VWA8: variants seen among roughly 807,000 people sequenced by gnomAD.
The protein encoded by VWA8 is von Willebrand factor A domain containing 8, also known as von Willebrand factor A domain-containing protein 8.
In VWA8, 221 loss-of-function variants were observed where a neutral mutation model predicts 241.5. That is an observed-to-expected ratio of 0.91 (90% CI 0.82 to 1.02). VWA8 has a LOEUF of 1.02. Among genes scored for constraint, VWA8 ranks in the 50% least tolerant of loss-of-function variants. VWA8 has a pLI of 0.00. For synonymous variants in VWA8, 852 were observed against 827.1 expected (o/e 1.03, Z -0.52); for missense variants, 2,322 against 2,328.7 (o/e 1.00, Z 0.06).
At chr13:41,652,518 G>A (rs1252883757) in intron 37 of VWA8, among the ~76,000 whole-genome samples, 1 of 152,170 alleles carries the variant, frequency 6.6e-6, no homozygotes. Flanking sequence ...CTACAATGGA[G>A]AAGTTCTTTG....
Position 41,750,886 on chromosome 13 carries a change from T to TAAAA in VWA8, c.2426+10238_2426+10241dup, listed in dbSNP as rs72030945. Reference sequence around the variant, plus strand: ...TAGAATGTTACATAAACATATTTGATAAAAAAAAAAAAAAACTCAAGCACA... The same window carrying TAAAA: ...TAGAATGTTACATAAACATATTTGATAAAAAAAAAAAAAAAAAAACTCAAGCACA... On this transcript the variant is annotated intron_variant, in intron 21 of 44. Coordinates refer to ENST00000379310, the MANE Select transcript of VWA8 (RefSeq NM_015058.2). Among the ~76,000 whole-genome samples, 13 of 143,818 alleles carry TAAAA rather than the reference T, an allele frequency of 9.0e-5. 1 individual carries two copies. Among genetic ancestry groups the TAAAA allele is most frequent in the South Asian group, 2.2e-4 (1 of 4,588 alleles). The allele number at this position is 143,818 out of a possible 152,430, so 94.4% of individuals were successfully genotyped here. A position where few individuals can be genotyped will look rare whatever the true frequency, so the allele number is the denominator to read the frequency against.
At chr13:41,815,312 C>T (rs1251008811) in intron 16 of VWA8, among the ~76,000 whole-genome samples, 4 of 152,186 alleles carry the variant, frequency 2.6e-5, no homozygotes, top group South Asian at 2.1e-4. Context: ...AGTGACCACC[C>T]TTATCCTCCC....
At chr13:41,568,673 A>G (rs1030379955) in intron 44 of VWA8, among the ~76,000 whole-genome samples, 1 of 152,232 alleles carries the variant, frequency 6.6e-6, no homozygotes, top group Non-Finnish European at 1.5e-5. Context: ...GGTCTAGCAA[A>G]TATGTTGACC....
chr13:41,652,174 T>C (rs2044873782), intron 37 of VWA8, among the ~76,000 whole-genome samples: 1 of 152,166 alleles, frequency 6.6e-6, no homozygotes, highest in African/African-American at 2.4e-5. Context: ...ACATTGCCTG[T>C]CTGGCACCTA....
chr13:41,926,905 G>A (rs1177319211), intron 2 of VWA8: 5 of 572,926 alleles, frequency 8.7e-6, no homozygotes, highest in Admixed American at 1.9e-5. Flanking sequence ...ACCACAGCCA[G>A]GCTCCTTGAC....
At chr13:41,682,124 A>G (rs1235005584) in intron 35 of VWA8, among the ~76,000 whole-genome samples, 1 of 152,224 alleles carries the variant, frequency 6.6e-6, no homozygotes, top group Non-Finnish European at 1.5e-5. Context: ...TATAAAATAT[A>G]AAGCTATAAA....
chr13:41,783,690 A>T, intron 19 of VWA8, 105 bp downstream of exon 19: 1 of 787,318 alleles, frequency 1.3e-6, no homozygotes, highest in Non-Finnish European at 2.0e-6. Context: ...CATCTAAATT[A>T]AATTTAGGAA....
chr13:41,787,478 T>C lies in VWA8; in HGVS notation c.2129A>G (p.Asn710Ser). 1 of 1,612,756 alleles carries C rather than the reference T, an allele frequency of 6.2e-7. No homozygotes were observed. The highest frequency in any genetic ancestry group is 8.5e-7 in the Non-Finnish European group (1 of 1,179,376). The part of the protein sequence containing the change: ...KNLADATIEI[N>S]TDDNLEPELK... The stretch of plus-strand genomic sequence containing the variant: ...TTCTGGCTCCAAATTGTCATCAGTA[T>C]TTATTTCTATTGTAGCATCTGCCAG... Residue 710 changes from asparagine (N) to serine (S), a missense_variant, in exon 18 of 45, where the codon AAT becomes AGT. Asn to Ser is a conservative substitution (Grantham distance 46). Transcript: ENST00000379310.
At chr13:41,763,284 C>A (rs2045754238) in intron 20 of VWA8, among the ~76,000 whole-genome samples, 1 of 105,770 alleles carries the variant, frequency 9.5e-6, no homozygotes, top group South Asian at 4.0e-4. Flanking sequence ...CAAGACTCCA[C>A]CTGTAAAAAT....
intron 12 of VWA8, among the ~76,000 whole-genome samples, chr13:41,841,855 A>G (rs866637373): frequency 2.2e-5 from 2 of 89,016 alleles, no homozygotes; most frequent in Admixed American, 1.1e-4. Flanking sequence ...ATATATATAT[A>G]TATAAAAACA....
chr13:41,785,508 G>A (rs1287040434), intron 18 of VWA8, among the ~76,000 whole-genome samples: 2 of 151,458 alleles, frequency 1.3e-5, no homozygotes, highest in Non-Finnish European at 2.9e-5. Flanking sequence ...CCACTAGAAT[G>A]CGACTTTTGT....
At chr13:41,617,885 A>C (rs2044631715) in intron 37 of VWA8, among the ~76,000 whole-genome samples, 1 of 143,484 alleles carries the variant, frequency 7.0e-6, no homozygotes, top group Non-Finnish European at 1.5e-5. Flanking sequence ...TATCCCGTCT[A>C]TTATGGGTTG....
At chr13:41,826,572 A>T (rs1044286998) in intron 14 of VWA8, among the ~76,000 whole-genome samples, 4 of 152,144 alleles carry the variant, frequency 2.6e-5, no homozygotes, top group African/African-American at 9.7e-5. Context: ...TGGGAGAAAC[A>T]TGAAACTGAC....
At chr13:41,647,022 A>C (rs2139685082) in intron 37 of VWA8, among the ~76,000 whole-genome samples, 1 of 152,336 alleles carries the variant, frequency 6.6e-6, no homozygotes. Flanking sequence ...CTACAAAGAG[A>C]AAATGGAGAG....
At chr13:41,601,469 A>C (rs753456360) in intron 40 of VWA8, among the ~76,000 whole-genome samples, 7 of 152,196 alleles carry the variant, frequency 4.6e-5, no homozygotes, top group Non-Finnish European at 8.8e-5. Flanking sequence ...TGCTAGCCAA[A>C]GCAATCAGAG....
chr13:41,755,129 C>T (rs1300945504), intron 21 of VWA8, among the ~76,000 whole-genome samples: 2 of 152,120 alleles, frequency 1.3e-5, no homozygotes, highest in African/African-American at 4.8e-5. Context: ...ATATACCCAG[C>T]AGTGGGATTG....
intron 37 of VWA8, among the ~76,000 whole-genome samples, chr13:41,641,998 T>G (rs1303289959): frequency 6.6e-6 from 1 of 152,234 alleles, no homozygotes; most frequent in Admixed American, 6.5e-5. Flanking sequence ...CTACAATAGT[T>G]CTGGTTAATG....
At chr13:41,923,949 C>A (rs529945503) in intron 2 of VWA8, among the ~76,000 whole-genome samples, 2 of 152,186 alleles carry the variant, frequency 1.3e-5, no homozygotes, top group South Asian at 4.1e-4. Context: ...CTATCAAATG[C>A]ACAGAAATCA....
chr13:41,858,377 G>C (rs970054543), intron 12 of VWA8, among the ~76,000 whole-genome samples: 3 of 152,268 alleles, frequency 2.0e-5, no homozygotes, highest in East Asian at 1.9e-4. Flanking sequence ...AGGCCAAGGT[G>C]GGGGGATCAC....
Sources: allele counts gnomAD v4.1 joint callset (sites outside exome capture counted in the v4.1 genomes callset), GRCh38; gene constraint gnomAD v4.1.1; transcripts MANE v1.5; gene names NCBI Gene and HGNC (gene_info 2026-07-23, HGNC 2026-07-21).